DLG2: variants seen among roughly 807,000 people sequenced by gnomAD.
The protein encoded by DLG2 is disks large homolog 2.
A neutral mutation model predicts 132.5 loss-of-function variants in DLG2; 45 were observed. The ratio of observed to expected loss-of-function variants is 0.34; its 90% CI spans 0.27 to 0.44. The LOEUF (loss-of-function observed/expected upper bound fraction) is 0.44. Among genes scored for constraint, DLG2 ranks in the 20% least tolerant of loss-of-function variants. The pLI, the probability that DLG2 is intolerant of heterozygous loss-of-function variation, is 1.00. For synonymous variants in DLG2, 424 were observed against 419.6 expected, an observed-to-expected ratio of 1.01 and a Z score of -0.13; for missense variants, 1,045 against 1,196.9, an observed-to-expected ratio of 0.87 and a Z score of 1.87.
intron 4 of DLG2, among the ~76,000 whole-genome samples, chr11:85,259,682 C>G (rs1251542417): frequency 6.6e-6 from 1 of 151,900 alleles, no homozygotes; most frequent in Non-Finnish European, 1.5e-5. Flanking sequence ...TCCTATAAAG[C>G]TTCCCATCTG....
At chr11:83,467,810 T>TATATATATATATATATACAC in intron 25 of DLG2, among the ~76,000 whole-genome samples, 1 of 96,290 alleles carries the variant, frequency 1.0e-5, no homozygotes, top group East Asian at 3.2e-4. Context: ...TATATATATA[T>TATATATATATATATATACAC]ACACACACAC....
rs754999934 is a variant in DLG2, at chr11:84,059,352, C to A, written c.882G>T (p.Glu294Asp). Residue 294 changes from glutamate (E) to aspartate (D), a missense_variant, in exon 11 of 28, where the codon GAG (glutamate) becomes GAT (aspartate). By Grantham distance (45) the Glu-to-Asp change is conservative. This residue lies in a region of DLG2 where 109 missense variants were observed against 159.1 expected (regional missense o/e 0.69). Transcript: ENST00000376104. ...LYVRRRRPIL[E>D]TVVEIKLFKG... ...TGAACAGTTTGATTTCCACAACGGT[C>A]TCCAAAATAGGTCGTCTTCTACGCA... is the stretch of plus-strand genomic sequence containing the variant. The A allele has an allele frequency of 6.2e-7, 1 of 1,613,720 alleles. No homozygotes were observed. Among genetic ancestry groups the A allele is most frequent in the Non-Finnish European group, 8.5e-7 (1 of 1,179,824 alleles).
At chr11:85,157,284 T>C (rs979597918) in intron 4 of DLG2, among the ~76,000 whole-genome samples, 6 of 152,094 alleles carry the variant, frequency 3.9e-5, no homozygotes, top group African/African-American at 1.4e-4. Context: ...TATATATATA[T>C]GTGATTCTAG....
intron 4 of DLG2, among the ~76,000 whole-genome samples, chr11:85,158,667 G>A (rs901949758): frequency 2.0e-5 from 3 of 152,092 alleles, no homozygotes; most frequent in Admixed American, 1.3e-4. Flanking sequence ...ATGGGATCCC[G>A]AGGTGGCAGG....
chr11:85,355,689 T>C (rs2083638056), intron 3 of DLG2, among the ~76,000 whole-genome samples: 1 of 152,104 alleles, frequency 6.6e-6, no homozygotes, highest in Non-Finnish European at 1.5e-5. Context: ...TTAATGAAAA[T>C]TTCTAGATAG....
intron 19 of DLG2, among the ~76,000 whole-genome samples, chr11:83,580,159 C>CT (rs143144233): frequency 0.034 from 5,168 of 151,898 alleles, 285 homozygotes; most frequent in African/African-American, 0.12. Flanking sequence ...ATTCATTGAT[C>CT]TTTTTTGTGC....
intron 18 of DLG2, among the ~76,000 whole-genome samples, chr11:83,748,811 A>G (rs1276942024): frequency 2.0e-5 from 3 of 152,224 alleles, no homozygotes; most frequent in Admixed American, 1.3e-4. Flanking sequence ...TTTAGCTCCA[A>G]AATGAAATCT....
intron 4 of DLG2, among the ~76,000 whole-genome samples, chr11:85,246,274 A>C (rs934687198): frequency 6.6e-6 from 1 of 151,992 alleles, no homozygotes; most frequent in Non-Finnish European, 1.5e-5. Context: ...AAAATAAACA[A>C]CAAAATGAAT....
intron 6 of DLG2, among the ~76,000 whole-genome samples, chr11:84,925,302 C>A (rs2092935812): frequency 6.6e-6 from 1 of 152,130 alleles, no homozygotes; most frequent in Non-Finnish European, 1.5e-5. Context: ...TGAAGAAGTA[C>A]ATGTAGGTTT....
chr11:84,534,476 G>T, intron 7 of DLG2, 94 bp downstream of exon 7: 5 of 1,292,534 alleles, frequency 3.9e-6, no homozygotes, highest in Non-Finnish European at 5.5e-6. Context: ...TGTTTTAAAA[G>T]AGCCTCATTT....
At chr11:84,174,017 T>TTTTTTTTTTTTTTTTTC (rs2095883936) in intron 8 of DLG2, among the ~76,000 whole-genome samples, 1 of 114,526 alleles carries the variant, frequency 8.7e-6, no homozygotes, top group Non-Finnish European at 1.8e-5. Context: ...CCCCGGCCTT[T>TTTTTTTTTTTTTTTTTC]TTTTTTTTTT....
chr11:84,327,542 C>A (rs755413502), intron 7 of DLG2, among the ~76,000 whole-genome samples: 17 of 151,994 alleles, frequency 1.1e-4, no homozygotes, highest in Non-Finnish European at 2.2e-4. Context: ...CTGTTTTTCT[C>A]TCTTGTTGCT....
rs569811459 is a variant in DLG2, at chr11:83,940,346, C to T, written c.1341-9863G>A. ...TTCATGATTGCCACTTGGTTTTGTACTTTGATGTATTTTAAATAATAATAA... is the reference window on the plus strand; with the variant it reads ...TTCATGATTGCCACTTGGTTTTGTATTTTGATGTATTTTAAATAATAATAA... On this transcript the variant is annotated intron_variant, in intron 14 of 27. Transcript: ENST00000376104. Among the ~76,000 whole-genome samples the T allele has an allele frequency of 1.2e-4, 19 of 152,236 alleles. No individual in the cohort carries two copies. The South Asian group carries it at 3.5e-3, about 28-fold the overall frequency.
intron 7 of DLG2, among the ~76,000 whole-genome samples, chr11:84,293,949 G>A (rs2098048524): frequency 6.6e-6 from 1 of 152,076 alleles, no homozygotes; most frequent in Non-Finnish European, 1.5e-5. Flanking sequence ...CCTGTCTAAC[G>A]CCATCTTTCC....
At chr11:84,232,456 G>A (rs7106175) in intron 8 of DLG2, among the ~76,000 whole-genome samples, 102,437 of 152,010 alleles carry the variant, frequency 0.67, 35,325 homozygotes, top group Middle Eastern at 0.79. Flanking sequence ...AGATTTCTAC[G>A]GACTGAATCA....
intron 7 of DLG2, among the ~76,000 whole-genome samples, chr11:84,450,664 T>G (rs1217051330): frequency 6.6e-6 from 1 of 151,776 alleles, no homozygotes; most frequent in Non-Finnish European, 1.5e-5. Flanking sequence ...GAAACATTAT[T>G]TCTTAATGTC....
chr11:85,045,384 G>A (rs1007681974), intron 6 of DLG2, among the ~76,000 whole-genome samples: 2 of 152,064 alleles, frequency 1.3e-5, no homozygotes, highest in Non-Finnish European at 2.9e-5. Flanking sequence ...AGGCAGAGAA[G>A]AGGAATGGCT....
At chr11:84,206,518 T>C (rs1298325981) in intron 8 of DLG2, among the ~76,000 whole-genome samples, 1 of 152,006 alleles carries the variant, frequency 6.6e-6, no homozygotes, top group African/African-American at 2.4e-5. Context: ...CCAAATCTAA[T>C]AATATATAAA....
intron 3 of DLG2, among the ~76,000 whole-genome samples, chr11:85,483,287 CAA>C (rs896627500): frequency 1.3e-5 from 2 of 151,996 alleles, no homozygotes; most frequent in African/African-American, 4.8e-5. Flanking sequence ...CGTTACAGGC[CAA>C]GAGAGAGTGA....
Sources: allele counts gnomAD v4.1 joint callset (sites outside exome capture counted in the v4.1 genomes callset), GRCh38; gene constraint gnomAD v4.1.1; regional missense constraint gnomAD v4.1.1; transcripts MANE v1.5; gene names NCBI Gene and HGNC (gene_info 2026-07-23, HGNC 2026-07-21).